The following MAST4 variants were observed in gnomAD, a reference collection of about 807,000 sequenced individuals.
The protein encoded by MAST4 is microtubule associated serine/threonine kinase family member 4.
In MAST4, 89 loss-of-function variants were observed where a neutral mutation model predicts 162.7. The ratio of observed to expected loss-of-function variants is 0.55; its 90% CI spans 0.46 to 0.65. The LOEUF (loss-of-function observed/expected upper bound fraction) is 0.65. Ranked by LOEUF, MAST4 falls within the 30% of genes least tolerant of loss-of-function variation. The probability of loss-of-function intolerance (pLI) is 0.00; values close to 1 mark genes in which losing one functional copy is unlikely to be tolerated. For missense variants in MAST4, 3,153 were observed against 3,374.0 expected (o/e 0.93, Z 1.62); for synonymous variants, 1,479 against 1,361.1 (o/e 1.09, Z -1.91).
chr5:66,793,420 C>A (rs541379247), intron 3 of MAST4, among the ~76,000 whole-genome samples: 7 of 152,144 alleles, frequency 4.6e-5, no homozygotes, highest in Non-Finnish European at 8.8e-5. Context: ...CTGTCCCTCC[C>A]CACACACATG....
chr5:67,166,677 A>T lies in MAST4; in HGVS notation c.7498A>T (p.Arg2500Trp). Residue 2500 changes from arginine to tryptophan, a missense_variant, in exon 29 of 29, where the codon AGG (arginine) becomes TGG (tryptophan). Arg to Trp is a moderately radical substitution (Grantham distance 101). Around this residue, in one of 7 missense-constraint regions of MAST4, gnomAD observed 1,644 missense variants for 1,495.0 expected, o/e 1.10. Coordinates refer to ENST00000403625, the MANE Select transcript of MAST4 (RefSeq NM_001164664.2). ...GCTGGAGCTTCCAGCCCCCAGCAACAGGGACCATAGGAAGGCTCAGCCTGC... is the reference window on the plus strand; with the variant it reads ...GCTGGAGCTTCCAGCCCCCAGCAACTGGGACCATAGGAAGGCTCAGCCTGC... ...GMLELPAPSNRDHRKAQPAGE... is the reference protein window; with the variant it reads ...GMLELPAPSNWDHRKAQPAGE... 1 of 1,595,990 alleles carries T rather than the reference A, an allele frequency of 6.3e-7. No homozygotes were observed. Among genetic ancestry groups the T allele is most frequent in the Non-Finnish European group, 8.5e-7 (1 of 1,171,562 alleles).
intron 1 of MAST4, among the ~76,000 whole-genome samples, chr5:66,625,496 A>C (rs1744365329): frequency 1.3e-5 from 2 of 152,228 alleles, no homozygotes; most frequent in African/African-American, 4.8e-5. Flanking sequence ...CTCAATACCA[A>C]AAATACAAAT....
At chr5:67,022,163 T>G (rs374863130) in intron 4 of MAST4, among the ~76,000 whole-genome samples, 1 of 152,228 alleles carries the variant, frequency 6.6e-6, no homozygotes, top group African/African-American at 2.4e-5. Context: ...AAAGGTTTAT[T>G]GAATGAAAGC....
chr5:66,884,422 A>ACT (rs1286007340), intron 3 of MAST4, among the ~76,000 whole-genome samples: 3 of 152,046 alleles, frequency 2.0e-5, no homozygotes, highest in African/African-American at 7.2e-5. Flanking sequence ...AGTTAAATGG[A>ACT]CTCTGTAGCT....
intron 1 of MAST4, among the ~76,000 whole-genome samples, chr5:66,721,896 G>C (rs1056023416): frequency 6.6e-6 from 1 of 151,896 alleles, no homozygotes; most frequent in African/African-American, 2.4e-5. Flanking sequence ...TCCGTATCTA[G>C]GCTATTGGGC....
chr5:66,879,376 A>G (rs867564739), intron 3 of MAST4, among the ~76,000 whole-genome samples: 14 of 152,122 alleles, frequency 9.2e-5, no homozygotes, highest in South Asian at 8.3e-4. Context: ...ATATATATAT[A>G]TATACATACA....
intron 1 of MAST4, among the ~76,000 whole-genome samples, chr5:66,608,743 G>A (rs1397967736): frequency 2.7e-5 from 4 of 147,944 alleles, no homozygotes; most frequent in Non-Finnish European, 5.9e-5. Flanking sequence ...GTCATTCTGA[G>A]CATGGCACGT....
chr5:66,943,489 A>G (rs1329612787), intron 4 of MAST4, among the ~76,000 whole-genome samples: 1 of 152,076 alleles, frequency 6.6e-6, no homozygotes, highest in African/African-American at 2.4e-5. Flanking sequence ...AGGAGCCTAA[A>G]TAGATCTTTT....
At chr5:66,852,864 G>A (rs1429423070) in intron 3 of MAST4, among the ~76,000 whole-genome samples, 1 of 152,150 alleles carries the variant, frequency 6.6e-6, no homozygotes, top group Non-Finnish European at 1.5e-5. Flanking sequence ...TCCCTTTGGT[G>A]CGTGAAGAAA....
At position 66,810,017 on chromosome 5, in the gene MAST4, G is replaced by T. The variant is rs1038918633; in HGVS notation, c.642+21223G>T. Among the ~76,000 whole-genome samples the T allele has an allele frequency of 2.0e-5, 3 of 152,162 alleles. No homozygotes were observed. The East Asian group carries it at 5.8e-4, about 29-fold the overall frequency. ...CTTTCCTGTGTCCTTTTTAATAGTG[G>T]CAGAGTATGTCATTGCACAGATACA... On this transcript the variant is annotated intron_variant, in intron 3 of 28. Transcript: ENST00000403625.
rs541007252 is a variant in MAST4 at position 66,640,691 on chromosome 5, G to A, written c.363+43673G>A. ...TATTGTGAATAATACTGCCACGAAC[G>A]TGGGATTGACAATATCTCTATGAGG... is the stretch of plus-strand genomic sequence containing the variant. On this transcript the variant is annotated intron_variant, in intron 1 of 28. Coordinates refer to ENST00000403625, the MANE Select transcript of MAST4 (RefSeq NM_001164664.2). Among the ~76,000 whole-genome samples, 14 of 152,300 alleles carry A rather than the reference G, an allele frequency of 9.2e-5. No homozygotes were observed. The South Asian group carries it at 2.9e-3, about 32-fold the overall frequency.
At chr5:66,627,910 A>G (rs540636930) in intron 1 of MAST4, among the ~76,000 whole-genome samples, 93 of 152,262 alleles carry the variant, frequency 6.1e-4, no homozygotes, top group African/African-American at 2.2e-3. Flanking sequence ...GCTCCTCTGG[A>G]CAAAATGCCA....
intron 4 of MAST4, chr5:67,004,801 C>T (rs1751769209): frequency 3.6e-6 from 2 of 563,276 alleles, no homozygotes; most frequent in South Asian, 2.1e-5. Flanking sequence ...AAGGCTAGGA[C>T]GGGACGGGTA....
In MAST4 at chr5:67,164,417, T is replaced by A. The variant is rs751550010; in HGVS notation, c.5238T>A (p.His1746Gln). Residue 1746 changes from histidine (H) to glutamine (Q), a missense_variant, in exon 29 of 29, where the codon CAT becomes CAA. Physicochemically the swap from His to Gln is conservative, Grantham distance 24. Around this residue, in one of 7 missense-constraint regions of MAST4, gnomAD observed 1,644 missense variants for 1,495.0 expected, o/e 1.10. Coordinates refer to ENST00000403625, the MANE Select transcript of MAST4 (RefSeq NM_001164664.2). The surrounding 1 kb of genome is among the most constrained non-coding windows in gnomAD (Gnocchi z 5.3). Reference sequence around the variant, plus strand: ...GCCGAGCTTTTGTCAGCAGCACCCATGCAGCTCAGATGAGTGCCGTCTCTT... The same window carrying A: ...GCCGAGCTTTTGTCAGCAGCACCCAAGCAGCTCAGATGAGTGCCGTCTCTT... The part of the protein sequence containing the change: ...SESRAFVSST[H>Q]AAQMSAVSFV... 1 of 1,613,890 alleles carries A rather than the reference T, an allele frequency of 6.2e-7. No individual in the cohort carries two copies. Among genetic ancestry groups the A allele is most frequent in the African/African-American group, 1.3e-5 (1 of 74,922 alleles).
At chr5:66,638,158 T>G (rs1330465432) in intron 1 of MAST4, among the ~76,000 whole-genome samples, 1 of 152,206 alleles carries the variant, frequency 6.6e-6, no homozygotes, top group Non-Finnish European at 1.5e-5. Flanking sequence ...TTGTGGCAGC[T>G]CCTACTCAGG....
At chr5:66,801,525 A>G (rs1288551072) in intron 3 of MAST4, among the ~76,000 whole-genome samples, 2 of 152,210 alleles carry the variant, frequency 1.3e-5, no homozygotes, top group African/African-American at 4.8e-5. Flanking sequence ...AGTTGATTAT[A>G]TTGTGCACCA....
chr5:66,759,608 T>A, intron 1 of MAST4, 101 bp from the exon 2 acceptor site: 1 of 1,433,714 alleles, frequency 7.0e-7, no homozygotes. Flanking sequence ...GAATGGAGTT[T>A]GAGAAGGAAA....
intron 4 of MAST4, chr5:66,986,509 C>A: frequency 1.9e-6 from 3 of 1,555,628 alleles, no homozygotes; most frequent in South Asian, 1.2e-5. Context: ...TTAAATAAAA[C>A]ATATCCAAAG....
chr5:66,971,837 A>G (rs1332742355), intron 4 of MAST4, among the ~76,000 whole-genome samples: 4 of 152,200 alleles, frequency 2.6e-5, no homozygotes, highest in Non-Finnish European at 4.4e-5. Context: ...CACATTTCAC[A>G]TCATTTTAAA....
Sources: allele counts gnomAD v4.1 joint callset (sites outside exome capture counted in the v4.1 genomes callset), GRCh38; gene constraint gnomAD v4.1.1; regional missense constraint gnomAD v4.1.1; non-coding constraint Gnocchi (gnomAD v3.1); transcripts MANE v1.5; gene names NCBI Gene and HGNC (gene_info 2026-07-23, HGNC 2026-07-21).